Variants in CDKL3 observed in about 807,000 individuals in gnomAD.
CDKL3 encodes cyclin-dependent kinase-like 3.
A neutral mutation model predicts 69.3 loss-of-function variants in CDKL3; 65 were observed. The observed-to-expected ratio is 0.94, with a 90% confidence interval of 0.77 to 1.15. The LOEUF is 1.15. Among genes scored for constraint, CDKL3 ranks in the 50% most tolerant of loss-of-function variants. CDKL3 has a pLI of 0.00. For missense variants in CDKL3, 652 were observed against 689.2 expected (o/e 0.95, Z 0.61); for synonymous variants, 202 against 221.6 (o/e 0.91, Z 0.79).
At chr5:134,363,372 A>G (rs1756524310) in intron 2 of CDKL3, among the ~76,000 whole-genome samples, 1 of 150,022 alleles carries the variant, frequency 6.7e-6, no homozygotes, top group Admixed American at 6.6e-5. Context: ...CGGCTCACTG[A>G]AACCTCCGCC....
At chr5:134,306,359 T>C (rs1767825732) in intron 10 of CDKL3, among the ~76,000 whole-genome samples, 1 of 151,956 alleles carries the variant, frequency 6.6e-6, no homozygotes, top group Non-Finnish European at 1.5e-5. Context: ...TAGCTGGGCA[T>C]GGTGGCATGT....
chr5:134,308,630 C>T lies in CDKL3; in HGVS notation c.979G>A (p.Asp327Asn), dbSNP rs958595701. The T allele has an allele frequency of 2.5e-6, 4 of 1,608,080 alleles. No homozygotes were observed. Among genetic ancestry groups the T allele is most frequent in the Non-Finnish European group, 3.4e-6 (4 of 1,178,586 alleles). The change falls in exon 8 of 13, where the codon GAT becomes AAT. Residue 327 changes from aspartate to asparagine, a missense_variant. Coordinates refer to ENST00000265334, the MANE Select transcript of CDKL3 (RefSeq NM_001113575.2). Reference sequence around the variant, plus strand: ...TTGGTATAAACTGTTTTTCTTTCATCTTTCCTGAGTTCATTTTCTTTAGAA... The same window carrying T: ...TTGGTATAAACTGTTTTTCTTTCATTTTTCCTGAGTTCATTTTCTTTAGAA... ...ESSKENELRK[D>N]ERKTVYTNTL...
intron 12 of CDKL3, among the ~76,000 whole-genome samples, chr5:134,300,489 T>C (rs1019697673): frequency 6.6e-6 from 1 of 152,210 alleles, no homozygotes; most frequent in Admixed American, 6.5e-5. Context: ...ATATGTCATA[T>C]TCTTTCATGC....
chr5:134,299,562 A>C, intron 12 of CDKL3: 1 of 1,250,540 alleles, frequency 8.0e-7, no homozygotes, highest in Non-Finnish European at 1.0e-6. Context: ...GAATGTACAT[A>C]TAACTAACAG....
intron 7 of CDKL3, among the ~76,000 whole-genome samples, chr5:134,310,441 C>T (rs1042890024): frequency 6.6e-6 from 1 of 151,858 alleles, no homozygotes; most frequent in Non-Finnish European, 1.5e-5. Flanking sequence ...CTGCCCGCCT[C>T]GGCCTCCCAA....
chr5:134,318,122 G>A (rs1771667337), intron 6 of CDKL3, among the ~76,000 whole-genome samples: 1 of 151,772 alleles, frequency 6.6e-6, no homozygotes, highest in African/African-American at 2.4e-5. Flanking sequence ...GGGAGGCTGA[G>A]GCAGGAAAAT....
upstream of CDKL3, chr5:134,371,587 C>T (rs1187259076): frequency 5.5e-5 from 88 of 1,612,514 alleles, no homozygotes; most frequent in Non-Finnish European, 7.1e-5. Flanking sequence ...CGCGGGGCAG[C>T]TGCGGAGCAT....
rs145116151 is a variant in CDKL3, at chr5:134,308,843, C to A, written c.882-116G>T. On this transcript the variant is annotated intron_variant, in intron 7 of 12. Transcript: ENST00000265334. ...CATTTCAGCTACAGCATAAATAATG[C>A]TAACTATAATGCATGTCAAGAGATG... 465 of 917,440 alleles carry A rather than the reference C, an allele frequency of 5.1e-4. 4 individuals carry two copies. In the African/African-American group the frequency reaches 6.5e-3, roughly 13 times the overall value. The allele number at this position is 917,440 out of a possible 1,614,324, so 56.8% of individuals were successfully genotyped here.
At chr5:134,306,575 A>C (rs372235805) in intron 10 of CDKL3, 34 bp downstream of exon 10, 14 of 1,171,596 alleles carry the variant, frequency 1.2e-5, no homozygotes, top group East Asian at 2.4e-5. Context: ...ATGTTAAAAG[A>C]GGCCATATTT....
chr5:134,327,339 G>C (rs1054941550), intron 4 of CDKL3, among the ~76,000 whole-genome samples: 1 of 152,168 alleles, frequency 6.6e-6, no homozygotes, highest in African/African-American at 2.4e-5. Flanking sequence ...ATCTCACTAA[G>C]TAGTCACCTC....
At chr5:134,319,952 C>A (rs1196756683) in intron 5 of CDKL3, among the ~76,000 whole-genome samples, 1 of 152,106 alleles carries the variant, frequency 6.6e-6, no homozygotes, top group Admixed American at 6.6e-5. Flanking sequence ...AGAGTAGTAG[C>A]AGAATGGAAA....
At chr5:134,366,007 C>T (rs922058886) in intron 2 of CDKL3, among the ~76,000 whole-genome samples, 5 of 152,174 alleles carry the variant, frequency 3.3e-5, no homozygotes, top group Non-Finnish European at 5.9e-5. Context: ...TTTTCATATA[C>T]TCTCCTTTCT....
At position 134,314,412 on chromosome 5, in the gene CDKL3, T is replaced by C. The variant is rs999641627; in HGVS notation, c.793-2032A>G. Among the ~76,000 whole-genome samples the C allele has an allele frequency of 3.9e-5, 6 of 152,276 alleles. No individual in the cohort carries two copies. The South Asian group carries it at 6.2e-4, about 16-fold the overall frequency. On this transcript the variant is annotated intron_variant, in intron 6 of 12. Transcript: ENST00000265334. Reference sequence around the variant, plus strand: ...GCAGTTTCTTTAAAAATTAAACATATGCCTACCCATGACCCAGCCATTCTG... The same window carrying C: ...GCAGTTTCTTTAAAAATTAAACATACGCCTACCCATGACCCAGCCATTCTG...
chr5:134,307,926 A>T, intron 9 of CDKL3: 1 of 586,470 alleles, frequency 1.7e-6, no homozygotes, highest in Non-Finnish European at 2.6e-6. Flanking sequence ...AGAAGACATT[A>T]GTGAAAATTT....
intron 3 of CDKL3, among the ~76,000 whole-genome samples, chr5:134,350,842 A>G (rs1325031784): frequency 1.3e-5 from 2 of 150,190 alleles, no homozygotes; most frequent in East Asian, 3.9e-4. Context: ...AAAAAAAAAA[A>G]AAGAAAAAAA....
chr5:134,321,918 G>GA lies in CDKL3; in HGVS notation c.540-16_540-15insT. 3.6e-6 allele frequency: 5 copies of GA among 1,386,254 alleles called. No individual in the cohort carries two copies. The highest frequency in any genetic ancestry group is 2.4e-5 in the East Asian group (1 of 42,464). 85.9% of individuals were successfully genotyped at this position (1,386,254 alleles called of 1,614,324 possible). Reference sequence around the variant, plus strand: ...TATCCACAGGTCTGAAACAGATCAGGGAAAAAAAAATCACTTTTTCATGTA... The same window carrying GA: ...TATCCACAGGTCTGAAACAGATCAGGAGAAAAAAAAATCACTTTTTCATGTA... On this transcript the variant is annotated splice_polypyrimidine_tract_variant and intron_variant, in intron 4 of 12. Transcript: ENST00000265334.
intron 4 of CDKL3, among the ~76,000 whole-genome samples, chr5:134,328,427 G>T (rs1393841575): frequency 1.3e-5 from 2 of 151,966 alleles, no homozygotes; most frequent in African/African-American, 4.8e-5. Context: ...ATCAACAGTA[G>T]ATTTAAACAG....
intron 2 of CDKL3, among the ~76,000 whole-genome samples, chr5:134,363,957 T>TAAAAAAA (rs1206131261): frequency 4.8e-3 from 463 of 95,998 alleles, no homozygotes; most frequent in African/African-American, 0.012. Flanking sequence ...CTCCATTTCT[T>TAAAAAAA]AAAAAAAAAA....
At chr5:134,299,069 T>G (rs1028102701) in intron 12 of CDKL3, among the ~76,000 whole-genome samples, 1 of 152,162 alleles carries the variant, frequency 6.6e-6, no homozygotes, top group Non-Finnish European at 1.5e-5. Context: ...AGATGGGGTT[T>G]CACCATGCTG....
Sources: gnomAD v4.1 joint callset for allele counts (sites outside exome capture counted in the v4.1 genomes callset) on GRCh38, gnomAD v4.1.1 for gene constraint, MANE v1.5 for transcripts, NCBI Gene and HGNC (gene_info 2026-07-23, HGNC 2026-07-21) for gene names.